Variants in NAMPT observed in about 807,000 individuals in gnomAD.
The protein encoded by NAMPT is nicotinamide phosphoribosyltransferase.
In NAMPT, 7 loss-of-function variants were observed where a neutral mutation model predicts 58.7. The ratio of observed to expected loss-of-function variants is 0.12; its 90% CI spans 0.07 to 0.22. The LOEUF (loss-of-function observed/expected upper bound fraction) is 0.22, where lower values mean the gene tolerates loss of function less well. NAMPT is among the 10% of genes least tolerant of loss of function. NAMPT has a pLI of 1.00. For synonymous variants in NAMPT, 145 were observed against 198.1 expected (o/e 0.73, Z 2.25); for missense variants, 271 against 567.9 (o/e 0.48, Z 5.31).
At position 106,251,113 on chromosome 7, in the gene NAMPT, C is replaced by G; in HGVS notation, c.1446G>C (p.Leu482=). ...SFDEIRKNAQ[L]NIELEAAHH is the part of the protein sequence containing the mutation. ...GATGTGCTGCTTCCAGTTCAATATT[C>G]AGCTGTGCATTTTTTCTTATTTCAT... is the stretch of plus-strand genomic sequence containing the variant. Residue 482 remains leucine, a synonymous_variant, in exon 11 of 11, where the codon CTG becomes CTC. Coordinates refer to ENST00000222553, the MANE Select transcript of NAMPT (RefSeq NM_005746.3). 6.3e-7 allele frequency: 1 copy of G among 1,593,592 alleles called. No individual in the cohort carries two copies. Among genetic ancestry groups the G allele is most frequent in the Non-Finnish European group, 8.6e-7 (1 of 1,161,718 alleles).
intron 8 of NAMPT, among the ~76,000 whole-genome samples, chr7:106,257,547 C>T (rs1360107046): frequency 6.6e-6 from 1 of 151,530 alleles, no homozygotes; most frequent in South Asian, 2.1e-4. Flanking sequence ...GGGAGGACCA[C>T]CTGACCCTGG....
chr7:106,271,938 C>T (rs958845632), intron 4 of NAMPT: 3 of 184,062 alleles, frequency 1.6e-5, no homozygotes, highest in Admixed American at 1.3e-4. Context: ...CATGTGAAAA[C>T]ATATGACTAC....
intron 10 of NAMPT, among the ~76,000 whole-genome samples, chr7:106,252,569 T>C (rs906719362): frequency 2.6e-5 from 4 of 152,216 alleles, no homozygotes; most frequent in East Asian, 3.9e-4. Context: ...AGTTCACAAA[T>C]ATAAATGTAC....
chr7:106,255,902 G>T (rs1792190209), intron 8 of NAMPT, among the ~76,000 whole-genome samples: 1 of 152,294 alleles, frequency 6.6e-6, no homozygotes, highest in African/African-American at 2.4e-5. Flanking sequence ...TTTCTGACCT[G>T]TCACCTCATT....
intron 1 of NAMPT, among the ~76,000 whole-genome samples, chr7:106,283,368 A>G (rs1586030641): frequency 6.6e-6 from 1 of 152,198 alleles, no homozygotes; most frequent in African/African-American, 2.4e-5. Context: ...AGGAACTGCA[A>G]ACTAAAGGAA....
intron 8 of NAMPT, among the ~76,000 whole-genome samples, chr7:106,255,081 A>C (rs1390464411): frequency 6.6e-6 from 1 of 152,214 alleles, no homozygotes; most frequent in East Asian, 1.9e-4. Flanking sequence ...GCCAGAAACA[A>C]AATTATGCAC....
chr7:106,258,962 T>C (rs895997387), intron 8 of NAMPT, among the ~76,000 whole-genome samples: 6 of 152,216 alleles, frequency 3.9e-5, no homozygotes, highest in South Asian at 2.1e-4. Context: ...TTTGGTACGA[T>C]AGCGTTCACC....
chr7:106,276,106 AG>A (rs1792633428), intron 2 of NAMPT: 2 of 152,234 alleles, frequency 1.3e-5, no homozygotes, highest in African/African-American at 2.4e-5. Context: ...ATATCTAGCT[AG>A]GTTTTCAGTA....
rs555881223 is a variant in NAMPT, at chr7:106,256,295, C to T, written c.1090-1791G>A. On this transcript the variant is annotated intron_variant, in intron 8 of 10. Coordinates refer to ENST00000222553, the MANE Select transcript of NAMPT (RefSeq NM_005746.3). Reference sequence around the variant, plus strand: ...AAATAAGCAGTTTCATTTTGGTACACAGTGCAAAGTGAAAACTTAGAGCAG... The same window carrying T: ...AAATAAGCAGTTTCATTTTGGTACATAGTGCAAAGTGAAAACTTAGAGCAG... Among the ~76,000 whole-genome samples, 5 of 152,290 alleles carry T rather than the reference C, an allele frequency of 3.3e-5. No individual in the cohort carries two copies. In the South Asian group the frequency reaches 6.2e-4, roughly 19 times the overall value.
intron 4 of NAMPT, 29 bp from the exon 5 acceptor site, chr7:106,269,341 TAA>T (rs1418130633): frequency 6.3e-7 from 1 of 1,594,364 alleles, no homozygotes; most frequent in Non-Finnish European, 8.6e-7. Context: ...CCACAAATAT[TAA>T]GACATAAAAT....
intron 1 of NAMPT, among the ~76,000 whole-genome samples, chr7:106,277,980 T>C (rs1485255528): frequency 6.6e-6 from 1 of 152,138 alleles, no homozygotes; most frequent in Non-Finnish European, 1.5e-5. Context: ...CAATAAAAAA[T>C]AAAGTGGAAG....
intron 4 of NAMPT, among the ~76,000 whole-genome samples, chr7:106,271,609 T>C (rs1792535386): frequency 6.6e-6 from 1 of 152,190 alleles, no homozygotes; most frequent in Non-Finnish European, 1.5e-5. Flanking sequence ...TTTTTGAGTG[T>C]ATTATTAGTT....
intron 8 of NAMPT, among the ~76,000 whole-genome samples, chr7:106,254,883 C>T (rs1792171705): frequency 1.3e-5 from 2 of 152,128 alleles, no homozygotes; most frequent in African/African-American, 4.8e-5. Context: ...CAATGGGAGC[C>T]AATTTACTAG....
chr7:106,277,487 G>C lies in NAMPT; in HGVS notation c.58-308C>G, dbSNP rs1792670521. ...AGTCCTTCATCCAGGCGAAGAGAGAGAGAAGCAGCTGCCTAATGGGCACAC... is the reference window on the plus strand; with the variant it reads ...AGTCCTTCATCCAGGCGAAGAGAGACAGAAGCAGCTGCCTAATGGGCACAC... On this transcript the variant is annotated intron_variant, in intron 1 of 10. Coordinates refer to ENST00000222553, the MANE Select transcript of NAMPT (RefSeq NM_005746.3). Among the ~76,000 whole-genome samples the C allele has an allele frequency of 3.3e-5, 5 of 152,318 alleles. No individual in the cohort carries two copies. In the South Asian group the frequency reaches 1.0e-3, roughly 32 times the overall value.
intron 1 of NAMPT, 70 bp downstream of exon 1, chr7:106,284,731 AGCCCCAACCCCAGCCCCAGCCGCCCCC>A: frequency 1.6e-5 from 1 of 61,060 alleles, no homozygotes; most frequent in Non-Finnish European, 2.8e-5. Context: ...CCCCAGCCCC[AGCCCCAACCCCAGCCCCAGCCGCCCCC>A]GCCCCCCTGC....
intron 6 of NAMPT, among the ~76,000 whole-genome samples, chr7:106,267,869 A>AAAAAAAAAAC (rs1792454290): frequency 7.1e-6 from 1 of 140,308 alleles, no homozygotes; most frequent in South Asian, 2.3e-4. Flanking sequence ...AAAAAAAAAA[A>AAAAAAAAAAC]AAAAAAACAA....
intron 2 of NAMPT, chr7:106,275,681 AAATT>A (rs1289871850): frequency 6.6e-6 from 1 of 152,274 alleles, no homozygotes; most frequent in Non-Finnish European, 1.5e-5. Context: ...TTGTATGACT[AAATT>A]AAAGTGTGCT....
At chr7:106,261,122 C>T (rs1470053454) in intron 8 of NAMPT, among the ~76,000 whole-genome samples, 2 of 152,200 alleles carry the variant, frequency 1.3e-5, no homozygotes, top group Non-Finnish European at 2.9e-5. Context: ...CTGCATAACA[C>T]TTATACTATC....
At chr7:106,267,407 A>G (rs1298411252) in intron 6 of NAMPT, among the ~76,000 whole-genome samples, 1 of 152,202 alleles carries the variant, frequency 6.6e-6, no homozygotes, top group African/African-American at 2.4e-5. Flanking sequence ...TAGCAACAAT[A>G]AAGCTTAGCT....
Sources: allele counts gnomAD v4.1 joint callset (sites outside exome capture counted in the v4.1 genomes callset), GRCh38; gene constraint gnomAD v4.1.1; transcripts MANE v1.5; gene names NCBI Gene and HGNC (gene_info 2026-07-23, HGNC 2026-07-21).